Variants in PCDH9 observed in about 807,000 individuals in gnomAD.
PCDH9 encodes protocadherin-9.
PCDH9 carries 24 observed loss-of-function variants against 70.6 expected under a neutral mutation model. That is an observed-to-expected ratio of 0.34 (90% CI 0.25 to 0.48). The LOEUF is 0.48. Ranked by LOEUF, PCDH9 falls within the 20% of genes least tolerant of loss-of-function variation. PCDH9 has a pLI of 0.99. For missense variants in PCDH9, 1,281 were observed against 1,503.6 expected (o/e 0.85, Z 2.45); for synonymous variants, 562 against 558.5 (o/e 1.01, Z -0.09).
At chr13:66,982,342 C>T (rs561478139) in intron 2 of PCDH9, among the ~76,000 whole-genome samples, 1 of 152,264 alleles carries the variant, frequency 6.6e-6, no homozygotes, top group Non-Finnish European at 1.5e-5. Flanking sequence ...TGGCCTGATA[C>T]AATAACCAAT....
intron 3 of PCDH9, among the ~76,000 whole-genome samples, chr13:66,756,603 A>C: frequency 6.6e-6 from 1 of 152,162 alleles, no homozygotes; most frequent in African/African-American, 2.4e-5. Context: ...GGGAGCTGCA[A>C]ACAGGCCCAT....
In PCDH9 at chr13:67,226,335, T is replaced by C. The variant is rs200288505; in HGVS notation, c.2106A>G (p.Ala702=). ...CGTTCATTCCAGTGTCAACATCCAC[T>C]GCAAAAACTTCTGCTACCACGGAGC... The part of the protein sequence containing the change: ...IPGSVVAEVF[A]VDVDTGMNAE... The change falls in exon 2 of 5, where the codon GCA becomes GCG. Residue 702 remains alanine, a synonymous_variant. Transcript: ENST00000377865. This position sits in a 1 kb window ranked among gnomAD's most constrained non-coding sequence, Gnocchi z 5.0. 6.2e-7 allele frequency: 1 copy of C among 1,614,138 alleles called. No individual in the cohort carries two copies. The highest frequency in any genetic ancestry group is 1.3e-5 in the African/African-American group (1 of 75,034).
chr13:66,866,907 T>C (rs947277953), intron 3 of PCDH9, among the ~76,000 whole-genome samples: 1 of 152,134 alleles, frequency 6.6e-6, no homozygotes, highest in African/African-American at 2.4e-5. Context: ...GTAAGTCTTA[T>C]AAGAAAGCAC....
intron 3 of PCDH9, among the ~76,000 whole-genome samples, chr13:66,660,221 CCAGCAA>C (rs2077990151): frequency 1.3e-5 from 2 of 152,220 alleles, no homozygotes; most frequent in South Asian, 4.2e-4. Flanking sequence ...TCTAAATGCC[CCAGCAA>C]CAGCTCTCAT....
At chr13:67,168,909 C>T (rs925247154) in intron 2 of PCDH9, among the ~76,000 whole-genome samples, 16 of 152,146 alleles carry the variant, frequency 1.1e-4, no homozygotes, top group African/African-American at 2.4e-4. Flanking sequence ...TTTTGAATGA[C>T]GGTATGTCAC....
intron 2 of PCDH9, among the ~76,000 whole-genome samples, chr13:67,116,609 T>A (rs2086781165): frequency 6.6e-6 from 1 of 152,164 alleles, no homozygotes; most frequent in Non-Finnish European, 1.5e-5. Flanking sequence ...ACAAAACACA[T>A]GGGTGAGTAG....
chr13:67,172,179 A>G (rs775497412), intron 2 of PCDH9, among the ~76,000 whole-genome samples: 2 of 152,146 alleles, frequency 1.3e-5, no homozygotes, highest in Admixed American at 6.5e-5. Flanking sequence ...CTGTCCTTCA[A>G]ATCTCAAGTA....
At chr13:67,010,578 T>C (rs2084434225) in intron 2 of PCDH9, among the ~76,000 whole-genome samples, 1 of 152,014 alleles carries the variant, frequency 6.6e-6, no homozygotes, top group African/African-American at 2.4e-5. Context: ...TATTATTTGA[T>C]GAATGTCCTA....
intron 2 of PCDH9, among the ~76,000 whole-genome samples, chr13:66,917,977 G>A (rs982219324): frequency 2.0e-5 from 3 of 151,272 alleles, no homozygotes; most frequent in African/African-American, 7.3e-5. Flanking sequence ...AAAATTGGGG[G>A]TGACTGACCA....
chr13:66,309,208 A>G (rs1376583987), intron 4 of PCDH9, among the ~76,000 whole-genome samples: 1 of 152,090 alleles, frequency 6.6e-6, no homozygotes, highest in Non-Finnish European at 1.5e-5. Flanking sequence ...AAAACAAAAC[A>G]AAAAACAAAA....
intron 3 of PCDH9, among the ~76,000 whole-genome samples, chr13:66,644,181 G>A (rs1280702022): frequency 6.6e-6 from 1 of 151,596 alleles, no homozygotes; most frequent in Non-Finnish European, 1.5e-5. Flanking sequence ...TAAACAAAAT[G>A]GAGGATAAAT....
intron 3 of PCDH9, among the ~76,000 whole-genome samples, chr13:66,727,376 C>T (rs1304652754): frequency 1.3e-5 from 2 of 152,090 alleles, no homozygotes; most frequent in African/African-American, 2.4e-5. Flanking sequence ...TTTTAATTTG[C>T]TATCTGCTTA....
At chr13:66,702,830 G>A (rs1285421830) in intron 3 of PCDH9, among the ~76,000 whole-genome samples, 1 of 152,158 alleles carries the variant, frequency 6.6e-6, no homozygotes, top group African/African-American at 2.4e-5. Context: ...AGTAGTTTAA[G>A]GGAGAACAAA....
chr13:67,108,553 GA>G (rs2086593344), intron 2 of PCDH9, among the ~76,000 whole-genome samples: 1 of 152,172 alleles, frequency 6.6e-6, no homozygotes, highest in Admixed American at 6.5e-5. Flanking sequence ...AATTTTTAGA[GA>G]AAAAACTAAT....
intron 2 of PCDH9, among the ~76,000 whole-genome samples, chr13:67,159,664 A>C (rs1465167595): frequency 6.6e-6 from 1 of 152,216 alleles, no homozygotes; most frequent in African/African-American, 2.4e-5. Flanking sequence ...AGAAATTACT[A>C]AACAGGCAGG....
chr13:66,446,488 A>T (rs1199783314), intron 4 of PCDH9, among the ~76,000 whole-genome samples: 1 of 152,230 alleles, frequency 6.6e-6, no homozygotes, highest in Admixed American at 6.5e-5. Context: ...ACCTCGAAGA[A>T]ACTAGAATTA....
intron 4 of PCDH9, among the ~76,000 whole-genome samples, chr13:66,563,842 C>G (rs1019827307): frequency 6.6e-6 from 1 of 152,108 alleles, no homozygotes; most frequent in Admixed American, 6.5e-5. Flanking sequence ...ATGCCCACCC[C>G]CTCTGTTTTG....
In PCDH9 at chr13:66,739,653, C is replaced by T. The variant is rs376444237; in HGVS notation, c.3139-108242G>A. Reference sequence around the variant, plus strand: ...AATAAAAGGATGGAGGAAGATCTACCAAGCAAATGGAAAACAAAAAAGGCA... The same window carrying T: ...AATAAAAGGATGGAGGAAGATCTACTAAGCAAATGGAAAACAAAAAAGGCA... On this transcript the variant is annotated intron_variant, in intron 3 of 4. Transcript: ENST00000377865. Among the ~76,000 whole-genome samples the T allele has an allele frequency of 3.3e-5, 5 of 151,716 alleles. No individual in the cohort carries two copies. The South Asian group carries it at 1.0e-3, about 32-fold the overall frequency.
At chr13:66,337,718 C>T (rs267327) in intron 4 of PCDH9, among the ~76,000 whole-genome samples, 151,116 of 152,158 alleles carry the variant, frequency 0.99, 75,052 homozygotes, top group Middle Eastern at 1. Flanking sequence ...ATATTTTAAA[C>T]TGTACTAGGA....
Sources: allele counts gnomAD v4.1 joint callset (sites outside exome capture counted in the v4.1 genomes callset), GRCh38; gene constraint gnomAD v4.1.1; non-coding constraint Gnocchi (gnomAD v3.1); transcripts MANE v1.5; gene names NCBI Gene and HGNC (gene_info 2026-07-23, HGNC 2026-07-21).